Variants in ZZEF1 observed in about 807,000 individuals in gnomAD.
The protein encoded by ZZEF1 is zinc finger ZZ-type and EF-hand domain containing 1, also known as zinc finger ZZ-type and EF-hand domain-containing protein 1.
Under a neutral mutation model 342.8 loss-of-function variants are expected in ZZEF1, and 157 were observed. The observed-to-expected ratio is 0.46, with a 90% CI of 0.40 to 0.52. The LOEUF is 0.52. Ranked by LOEUF, ZZEF1 falls within the 20% of genes least tolerant of loss-of-function variation. The pLI is 0.00. For missense variants in ZZEF1, 3,480 were observed against 3,725.6 expected (o/e 0.93, Z 1.72); for synonymous variants, 1,505 against 1,429.1 (o/e 1.05, Z -1.20).
chr17:4,042,372 C>CA, intron 39 of ZZEF1, 57 bp downstream of exon 39: 1 of 1,556,608 alleles, frequency 6.4e-7, no homozygotes, highest in South Asian at 1.2e-5. Flanking sequence ...TGTGGCTTTC[C>CA]AAAACCTTCT....
chr17:4,076,731 A>G lies in ZZEF1; in HGVS notation c.3140T>C (p.Leu1047Ser), dbSNP rs1013099067. Reference sequence around the variant, plus strand: ...CAAGAGCACGCAGTGTGGGATGTCTAAAGTGCAGAAGTCCAGCAGGAAGAT... The same window carrying G: ...CAAGAGCACGCAGTGTGGGATGTCTGAAGTGCAGAAGTCCAGCAGGAAGAT... ...LVIFLLDFCT[L>S]DIPHCVLLRE... The change falls in exon 21 of 55, where the codon TTA (leucine) becomes TCA (serine). Residue 1047 changes from leucine to serine, a missense_variant. Around this residue, in one of 5 missense-constraint regions of ZZEF1, gnomAD observed 1,528 missense variants for 1,624.1 expected, o/e 0.94. Coordinates refer to ENST00000381638, the MANE Select transcript of ZZEF1 (RefSeq NM_015113.4). The G allele has an allele frequency of 1.1e-5, 18 of 1,612,028 alleles. No homozygotes were observed. Among genetic ancestry groups the G allele is most frequent in the Admixed American group, 3.3e-5 (2 of 59,994 alleles).
At chr17:4,100,805 A>T (rs1190273895) in intron 9 of ZZEF1, among the ~76,000 whole-genome samples, 1 of 152,232 alleles carries the variant, frequency 6.6e-6, no homozygotes, top group African/African-American at 2.4e-5. Flanking sequence ...ACTGCACTCC[A>T]GCCTGGGCGA....
At chr17:4,114,914 A>G (rs1429473606) in intron 3 of ZZEF1, among the ~76,000 whole-genome samples, 4 of 152,194 alleles carry the variant, frequency 2.6e-5, no homozygotes, top group South Asian at 2.1e-4. Flanking sequence ...GCCCTCTTCC[A>G]TGTTCTTCTG....
At chr17:4,127,053 G>T (rs1157604108) in intron 1 of ZZEF1, among the ~76,000 whole-genome samples, 2 of 151,648 alleles carry the variant, frequency 1.3e-5, no homozygotes, top group Non-Finnish European at 2.9e-5. Context: ...TGTCACCAAG[G>T]TTGGAGTGCA....
intron 5 of ZZEF1, 114 bp downstream of exon 5, chr17:4,112,495 T>C (rs1334232276): frequency 3.8e-6 from 4 of 1,045,720 alleles, no homozygotes; most frequent in East Asian, 2.6e-5. Context: ...ATGAACACTT[T>C]TGTGTACGTC....
rs2056372441 is a variant in ZZEF1, at chr17:4,025,063, C to T, written c.6948G>A (p.Arg2316=). Residue 2316 remains arginine (R), a synonymous_variant, in exon 43 of 55, where the codon CGG becomes CGA. Coordinates refer to ENST00000381638, the MANE Select transcript of ZZEF1 (RefSeq NM_015113.4). ...GCTGGGAGTACTGGCTCAGCTGGGC[C>T]CGAGAGTCACCACACTCTTGTCCTC... ...KGGGQECGDS[R]AQLSQYSQHF... 6.2e-7 allele frequency: 1 copy of T among 1,614,002 alleles called. No individual in the cohort carries two copies. Among genetic ancestry groups the T allele is most frequent in the Non-Finnish European group, 8.5e-7 (1 of 1,180,030 alleles).
At chr17:4,007,382 G>C (rs754779165) in intron 54 of ZZEF1, among the ~76,000 whole-genome samples, 37 of 152,234 alleles carry the variant, frequency 2.4e-4, no homozygotes, top group Non-Finnish European at 5.1e-4. Context: ...GCGAGGCCAG[G>C]CCCGTCAGGC....
intron 23 of ZZEF1, 100 bp from the exon 24 acceptor site, chr17:4,074,451 G>T: frequency 1.6e-6 from 2 of 1,257,098 alleles, no homozygotes; most frequent in Non-Finnish European, 2.3e-6. Flanking sequence ...GTTTAAAATT[G>T]ATCTCTATTT....
At chr17:4,027,197 A>G (rs1047885105) in intron 42 of ZZEF1, among the ~76,000 whole-genome samples, 3 of 150,834 alleles carry the variant, frequency 2.0e-5, no homozygotes, top group Non-Finnish European at 2.9e-5. Flanking sequence ...GCTGGCACTG[A>G]ATTCCTGGCT....
Position 4,049,798 on chromosome 17 carries a change from C to T in ZZEF1, c.5925G>A (p.Gln1975=). ...LPDGDSSLED[Q]ALPVTVPTGA... is the part of the protein sequence containing the mutation. ...CGGTGGGCACAGTGACTGGTAGGGC[C>T]TGATCTTCTAGGCTCGAGTCCCCAT... Residue 1975 remains glutamine, a synonymous_variant, in exon 37 of 55, where the codon CAG becomes CAA. Coordinates refer to ENST00000381638, the MANE Select transcript of ZZEF1 (RefSeq NM_015113.4). 6.2e-7 allele frequency: 1 copy of T among 1,614,164 alleles called. No individual in the cohort carries two copies. The highest frequency in any genetic ancestry group is 8.5e-7 in the Non-Finnish European group (1 of 1,180,036).
Position 4,044,306 on chromosome 17 carries a change from A to C in ZZEF1, c.6084T>G (p.Gly2028=). Residue 2028 remains glycine, a synonymous_variant, in exon 38 of 55, where the codon GGT becomes GGG. Coordinates refer to ENST00000381638, the MANE Select transcript of ZZEF1 (RefSeq NM_015113.4). The part of the protein sequence containing the change: ...DFKQRNKADK[G]VSLSKDPSCQ... ...ATGAAGGATCCTTCGATAATGATACACCTTTATCTGCCTTATTTCTCTGCT... is the reference window on the plus strand; with the variant it reads ...ATGAAGGATCCTTCGATAATGATACCCCTTTATCTGCCTTATTTCTCTGCT... 1 of 1,614,034 alleles carries C rather than the reference A, an allele frequency of 6.2e-7. No individual in the cohort carries two copies. Among genetic ancestry groups the C allele is most frequent in the Non-Finnish European group, 8.5e-7 (1 of 1,179,994 alleles).
chr17:4,025,273 G>A (rs573421427), intron 42 of ZZEF1, among the ~76,000 whole-genome samples, 155 bp from the exon 43 acceptor site: 1 of 152,296 alleles, frequency 6.6e-6, no homozygotes, highest in South Asian at 2.1e-4. Flanking sequence ...CCAGCTTGCA[G>A]GTAAACACAA....
rs2058892181 is a variant in ZZEF1 at position 4,142,886 on chromosome 17, C to A, written c.10G>T (p.Ala4Ser). 1 of 1,363,716 alleles carries A rather than the reference C, an allele frequency of 7.3e-7. No homozygotes were observed. The highest frequency in any genetic ancestry group is 9.4e-7 in the Non-Finnish European group (1 of 1,067,418). The allele number at this position is 1,363,716 out of a possible 1,614,324, so 84.5% of individuals were successfully genotyped here. A position where few individuals can be genotyped will look rare whatever the true frequency, so the allele number is the denominator to read the frequency against. Residue 4 changes from alanine to serine, a missense_variant, in exon 1 of 55, where the codon GCT becomes TCT. Ala to Ser is a moderately conservative substitution (Grantham distance 99). Transcript: ENST00000381638. MGN[A>S]PSHSSEDEAA... ...TCGTCTTCACTGCTGTGACTCGGAG[C>A]GTTCCCCATGGGGTCTCCGTCTTGG...
At position 4,016,191 on chromosome 17, in the gene ZZEF1, C is replaced by T; in HGVS notation, c.8145+132G>A. The stretch of plus-strand genomic sequence containing the variant: ...TGCAGTTTGTTCAAGGAAGCACTTT[C>T]CTGGACAGGTCTCTGCTGTCCAGCG... On this transcript the variant is annotated intron_variant, in intron 49 of 54. Coordinates refer to ENST00000381638, the MANE Select transcript of ZZEF1 (RefSeq NM_015113.4). This position sits in a 1 kb window ranked among gnomAD's most constrained non-coding sequence, Gnocchi z 4.4. 1 of 1,117,974 alleles carries T rather than the reference C, an allele frequency of 8.9e-7. No homozygotes were observed. The allele number at this position is 1,117,974 out of a possible 1,614,324, so 69.3% of individuals were successfully genotyped here.
chr17:4,055,229 T>C (rs2057132210), intron 33 of ZZEF1, among the ~76,000 whole-genome samples: 1 of 152,154 alleles, frequency 6.6e-6, no homozygotes, highest in Non-Finnish European at 1.5e-5. Context: ...CAAGTCACCT[T>C]ACAACTACAG....
At chr17:4,056,083 G>T in intron 33 of ZZEF1, 133 bp downstream of exon 33, 1 of 982,970 alleles carries the variant, frequency 1.0e-6, no homozygotes. Flanking sequence ...AGCGGTTGGG[G>T]ACCCCTTCAC....
intron 8 of ZZEF1, among the ~76,000 whole-genome samples, chr17:4,104,111 T>G (rs959122494): frequency 2.0e-4 from 31 of 152,138 alleles, no homozygotes; most frequent in Non-Finnish European, 4.0e-4. Context: ...GGTAGAAAAG[T>G]GCTCATATGA....
At chr17:4,094,557 A>C (rs1201129823) in intron 11 of ZZEF1, among the ~76,000 whole-genome samples, 5 of 150,152 alleles carry the variant, frequency 3.3e-5, no homozygotes, top group African/African-American at 1.2e-4. Flanking sequence ...CCGATTATCC[A>C]TTGGCTACCG....
chr17:4,137,454 C>A (rs958316745), intron 1 of ZZEF1, among the ~76,000 whole-genome samples: 3 of 152,060 alleles, frequency 2.0e-5, no homozygotes, highest in Non-Finnish European at 4.4e-5. Flanking sequence ...TACTAAAAAA[C>A]ACAAAAAATT....
Sources: allele counts gnomAD v4.1 joint callset (sites outside exome capture counted in the v4.1 genomes callset), GRCh38; gene constraint gnomAD v4.1.1; regional missense constraint gnomAD v4.1.1; non-coding constraint Gnocchi (gnomAD v3.1); transcripts MANE v1.5; gene names NCBI Gene and HGNC (gene_info 2026-07-23, HGNC 2026-07-21).